The following TYW1B variants were observed in gnomAD, a reference collection of about 807,000 sequenced individuals.
TYW1B encodes S-adenosyl-L-methionine-dependent tRNA 4-demethylwyosine synthase TYW1B.
TYW1B carries 73 observed loss-of-function variants against 86.9 expected under a neutral mutation model. The observed-to-expected ratio is 0.84, with a 90% CI of 0.70 to 1.02. TYW1B has a LOEUF of 1.02. TYW1B is among the 50% of genes least tolerant of loss of function. The pLI is 0.00. For synonymous variants in TYW1B, 248 were observed against 292.8 expected (o/e 0.85, Z 1.56); for missense variants, 637 against 827.4 (o/e 0.77, Z 2.82).
At chr7:72,599,517 T>C (rs1381428568) in intron 13 of TYW1B, among the ~76,000 whole-genome samples, 2 of 152,224 alleles carry the variant, frequency 1.3e-5, no homozygotes, top group South Asian at 2.1e-4. Context: ...TATTCAAGAT[T>C]ATACTGGAAG....
At chr7:72,766,180 A>G (rs1485769795) in intron 7 of TYW1B, among the ~76,000 whole-genome samples, 1 of 152,258 alleles carries the variant, frequency 6.6e-6, no homozygotes, top group Admixed American at 6.5e-5. Context: ...AACAGCTCAT[A>G]ACGTTACAGC....
chr7:72,697,926 T>A (rs1452034829), intron 10 of TYW1B: 2 of 153,706 alleles, frequency 1.3e-5, no homozygotes, highest in African/African-American at 4.8e-5. Context: ...ATCAGGCCTC[T>A]TTCTACCTTC....
chr7:72,722,279 T>G (rs1215194081), intron 9 of TYW1B, among the ~76,000 whole-genome samples: 2 of 152,228 alleles, frequency 1.3e-5, no homozygotes, highest in Admixed American at 1.3e-4. Flanking sequence ...TAGCCTAAAG[T>G]ATAGATAAAA....
intron 8 of TYW1B, among the ~76,000 whole-genome samples, chr7:72,735,866 TA>T (rs35564711): frequency 1.2e-3 from 169 of 144,168 alleles, no homozygotes; most frequent in Admixed American, 2.2e-3. Flanking sequence ...CGAGACTGTC[TA>T]AAAAAAAAAA....
At chr7:72,756,679 C>A (rs1787595558) in intron 7 of TYW1B, among the ~76,000 whole-genome samples, 1 of 152,076 alleles carries the variant, frequency 6.6e-6, no homozygotes, top group African/African-American at 2.4e-5. Flanking sequence ...TTACTGGTAG[C>A]CTGCGGTCGC....
intron 11 of TYW1B, among the ~76,000 whole-genome samples, chr7:72,667,710 C>G (rs1585888926): frequency 1.3e-5 from 2 of 152,096 alleles, no homozygotes; most frequent in South Asian, 4.1e-4. Context: ...AAGACTCCAG[C>G]TCAAAAAAAC....
chr7:72,754,042 G>C (rs1554465552), intron 7 of TYW1B, among the ~76,000 whole-genome samples: 1 of 152,014 alleles, frequency 6.6e-6, no homozygotes, highest in African/African-American at 2.4e-5. Context: ...CTTCAACAAG[G>C]GTTATTTCCC....
chr7:72,823,866 G>C (rs1335965369), intron 2 of TYW1B, among the ~76,000 whole-genome samples: 1 of 152,038 alleles, frequency 6.6e-6, no homozygotes, highest in African/African-American at 2.4e-5. Context: ...AATAGAAATA[G>C]TTACAAGGTT....
intron 6 of TYW1B, among the ~76,000 whole-genome samples, chr7:72,794,379 A>T (rs1266412743): frequency 3.3e-5 from 5 of 152,050 alleles, no homozygotes; most frequent in South Asian, 4.1e-4. Flanking sequence ...AACATGGTGA[A>T]ACCCCATCTC....
chr7:72,652,790 C>G (rs1204949273), intron 11 of TYW1B, among the ~76,000 whole-genome samples: 1 of 152,070 alleles, frequency 6.6e-6, no homozygotes, highest in Non-Finnish European at 1.5e-5. Context: ...TAAGAATGTG[C>G]AAAAATGACA....
At chr7:72,751,554 AT>A (rs1393082101) in intron 7 of TYW1B, among the ~76,000 whole-genome samples, 1 of 152,182 alleles carries the variant, frequency 6.6e-6, no homozygotes, top group African/African-American at 2.4e-5. Flanking sequence ...TTTCAAGACA[AT>A]TTGTAACTGA....
In TYW1B at chr7:72,744,612, T is replaced by A. The variant is rs1563079504; in HGVS notation, c.965-11A>T. The A allele has an allele frequency of 6.2e-7, 1 of 1,613,228 alleles. No individual in the cohort carries two copies. The highest frequency in any genetic ancestry group is 8.5e-7 in the Non-Finnish European group (1 of 1,179,224). On this transcript the variant is annotated splice_polypyrimidine_tract_variant and intron_variant, in intron 7 of 13. Coordinates refer to ENST00000620995, the MANE Select transcript of TYW1B (RefSeq NM_001145440.3). ...CCCTCGGAGCATCGACTATGACAAG[T>A]AAACAAATCACAATTTGAATAAAAT...
At chr7:72,679,266 CA>C (rs1813812774) in intron 11 of TYW1B, among the ~76,000 whole-genome samples, 2 of 152,316 alleles carry the variant, frequency 1.3e-5, no homozygotes, top group African/African-American at 4.8e-5. Context: ...TATGATCCAG[CA>C]ACTTCCAACC....
intron 8 of TYW1B, among the ~76,000 whole-genome samples, chr7:72,731,879 G>A (rs2129571094): frequency 6.6e-6 from 1 of 152,288 alleles, no homozygotes; most frequent in South Asian, 2.1e-4. Flanking sequence ...GGCGGAAGTT[G>A]CAGTGAACCG....
chr7:72,683,235 A>G (rs1813921016), intron 11 of TYW1B, among the ~76,000 whole-genome samples: 1 of 152,174 alleles, frequency 6.6e-6, no homozygotes, highest in Non-Finnish European at 1.5e-5. Context: ...ACTGAGAAGT[A>G]TTTGTGAAGT....
intron 9 of TYW1B, among the ~76,000 whole-genome samples, chr7:72,715,947 T>C (rs1786773484): frequency 6.6e-6 from 1 of 152,132 alleles, no homozygotes; most frequent in African/African-American, 2.4e-5. Flanking sequence ...TTGTTTGTTT[T>C]TGAGATGGAG....
intron 10 of TYW1B, among the ~76,000 whole-genome samples, chr7:72,702,606 TG>T (rs1814500459): frequency 6.6e-6 from 1 of 152,022 alleles, no homozygotes. Context: ...AAGCTGGTCT[TG>T]AACTCCTGAC....
At chr7:72,771,903 G>C (rs1216387406) in intron 7 of TYW1B, among the ~76,000 whole-genome samples, 1 of 151,306 alleles carries the variant, frequency 6.6e-6, no homozygotes, top group African/African-American at 2.4e-5. Context: ...CTGGAGTGCA[G>C]TGTCTTGATC....
Position 72,826,215 on chromosome 7 carries a change from T to G in TYW1B, c.135+640A>C, listed in dbSNP as rs185667892. 2.0e-3 allele frequency among the ~76,000 whole-genome samples: 298 copies of G among 152,338 alleles called. 1 individual carries two copies. The highest frequency in any genetic ancestry group is 6.9e-3 in the African/African-American group (287 of 41,576). On this transcript the variant is annotated intron_variant, in intron 2 of 13. Transcript: ENST00000620995. ...TCCTGAGCTGCTTTTGGAACAGATT[T>G]TTCCTGTAAGTTCCTGCCCTTGAAG... is the stretch of plus-strand genomic sequence containing the variant.
Sources: allele counts gnomAD v4.1 joint callset (sites outside exome capture counted in the v4.1 genomes callset), GRCh38; gene constraint gnomAD v4.1.1; transcripts MANE v1.5; gene names NCBI Gene and HGNC (gene_info 2026-07-23, HGNC 2026-07-21).